PCSK5: variants seen among roughly 807,000 people sequenced by gnomAD.
PCSK5 encodes the protein proprotein convertase subtilisin/kexin type 5.
PCSK5 carries 129 observed loss-of-function variants against 233.2 expected under a neutral mutation model. The observed-to-expected ratio is 0.55, with a 90% CI of 0.48 to 0.64. The LOEUF (loss-of-function observed/expected upper bound fraction) is 0.64. Among genes scored for constraint, PCSK5 ranks in the 30% least tolerant of loss-of-function variants. The pLI, the probability that PCSK5 is intolerant of heterozygous loss-of-function variation, is 0.00. For synonymous variants in PCSK5, 825 were observed against 879.2 expected, an observed-to-expected ratio of 0.94 and a Z score of 1.09; for missense variants, 2,076 against 2,430.1, an observed-to-expected ratio of 0.85 and a Z score of 3.06.
At chr9:76,156,553 T>G (rs566129595) in intron 10 of PCSK5, among the ~76,000 whole-genome samples, 2 of 152,232 alleles carry the variant, frequency 1.3e-5, no homozygotes, top group Non-Finnish European at 2.9e-5. Context: ...TTACTTCTCT[T>G]TAAACCTATT....
At chr9:76,316,561 C>CAA (rs112529561) in intron 30 of PCSK5, among the ~76,000 whole-genome samples, 3 of 138,104 alleles carry the variant, frequency 2.2e-5, no homozygotes, top group Admixed American at 7.4e-5. Context: ...CCCATCTCTA[C>CAA]AAAAAAAAAA....
At chr9:76,021,121 G>A (rs1399798399) in intron 3 of PCSK5, among the ~76,000 whole-genome samples, 1 of 152,086 alleles carries the variant, frequency 6.6e-6, no homozygotes, top group Non-Finnish European at 1.5e-5. Context: ...TACACATAGT[G>A]GAAATAAAGT....
chr9:75,928,722 C>T (rs1362952543), intron 1 of PCSK5, among the ~76,000 whole-genome samples: 1 of 148,128 alleles, frequency 6.8e-6, no homozygotes, highest in African/African-American at 2.5e-5. Context: ...TGTTATCTTG[C>T]AAACAAAATG....
intron 35 of PCSK5, among the ~76,000 whole-genome samples, chr9:76,339,162 T>C (rs1829761324): frequency 6.6e-6 from 1 of 152,030 alleles, no homozygotes. Flanking sequence ...AAAATTCAAA[T>C]TTCTCATTTT....
chr9:76,314,705 C>T (rs1439970662), intron 30 of PCSK5, among the ~76,000 whole-genome samples: 6 of 152,088 alleles, frequency 3.9e-5, no homozygotes, highest in Non-Finnish European at 8.8e-5. Context: ...GGCGCGATCT[C>T]GGCTCACTGC....
At chr9:75,934,095 C>T (rs542947162) in intron 2 of PCSK5, among the ~76,000 whole-genome samples, 5 of 152,280 alleles carry the variant, frequency 3.3e-5, no homozygotes, top group South Asian at 2.1e-4. Flanking sequence ...ATGGCTTATG[C>T]GTGATCCGAC....
In PCSK5 at chr9:76,285,556, G is replaced by C. The variant is rs7045119; in HGVS notation, c.3143-6677G>C. Among the ~76,000 whole-genome samples, 1,514 of 151,994 alleles carry C rather than the reference G, an allele frequency of 1.0e-2. 21 individuals carry two copies. The highest frequency in any genetic ancestry group is 0.033 in the African/African-American group (1,377 of 41,424). The stretch of plus-strand genomic sequence containing the variant: ...GATAGGTTTCAATAGCAAGTGGTAG[G>C]GGGGGAGTCTGGCTTGCATGGGGTA... On this transcript the variant is annotated intron_variant, in intron 24 of 37. Coordinates refer to ENST00000674117, the MANE Select transcript of PCSK5 (RefSeq NM_001372043.1).
At chr9:75,899,902 G>T (rs965250320) in intron 1 of PCSK5, among the ~76,000 whole-genome samples, 1 of 152,190 alleles carries the variant, frequency 6.6e-6, no homozygotes, top group Non-Finnish European at 1.5e-5. Context: ...CCAGAAGAAA[G>T]GGTGCCTCCT....
In PCSK5 at chr9:76,321,537, G is replaced by T. The variant is rs752538514; in HGVS notation, c.4000G>T (p.Val1334Leu). The T allele has an allele frequency of 6.0e-5, 96 of 1,612,176 alleles. No homozygotes were observed. The highest frequency in any genetic ancestry group is 7.7e-5 in the Non-Finnish European group (91 of 1,179,208). Reference protein sequence around the residue: ...CEGGHVLHHGVCQENCPERHV... With the variant: ...CEGGHVLHHGLCQENCPERHV... Reference sequence around the variant, plus strand: ...AGGAGGCCACGTCCTGCACCACGGAGTGTGCCAGGAAAACTGCCCCGAGAG... The same window carrying T: ...AGGAGGCCACGTCCTGCACCACGGATTGTGCCAGGAAAACTGCCCCGAGAG... Residue 1334 changes from valine to leucine, a missense_variant, in exon 31 of 38, where the codon GTG becomes TTG. This residue lies in a region of PCSK5 where 1,510 missense variants were observed against 1,538.1 expected (regional missense o/e 0.98). Transcript: ENST00000674117.
chr9:75,902,214 T>TTAAAAAAAAAAAAAAAAAAA (rs1554703242), intron 1 of PCSK5, among the ~76,000 whole-genome samples: 1 of 53,300 alleles, frequency 1.9e-5, no homozygotes, highest in Non-Finnish European at 3.5e-5. Context: ...AGACACCATC[T>TTAAAAAAAAAAAAAAAAAAA]AAAAAAAAAA....
intron 20 of PCSK5, among the ~76,000 whole-genome samples, chr9:76,204,371 C>T (rs1325882882): frequency 6.6e-6 from 1 of 152,170 alleles, no homozygotes; most frequent in Non-Finnish European, 1.5e-5. Context: ...GATCCATTAA[C>T]ATGTCCTGCG....
chr9:76,221,627 C>A (rs1449288252), intron 20 of PCSK5, among the ~76,000 whole-genome samples: 1 of 152,178 alleles, frequency 6.6e-6, no homozygotes, highest in East Asian at 1.9e-4. Flanking sequence ...GTGCGTCAGC[C>A]AAGACTTCAC....
chr9:76,180,820 T>C (rs1366384251), intron 15 of PCSK5, among the ~76,000 whole-genome samples: 1 of 152,232 alleles, frequency 6.6e-6, no homozygotes, highest in East Asian at 1.9e-4. Context: ...TGCCTGATAT[T>C]TAATTGGTGC....
intron 24 of PCSK5, among the ~76,000 whole-genome samples, chr9:76,278,833 A>G (rs2131383906): frequency 6.6e-6 from 1 of 152,304 alleles, no homozygotes; most frequent in South Asian, 2.1e-4. Context: ...CAAAATTTCA[A>G]TGTCTATTAG....
intron 20 of PCSK5, among the ~76,000 whole-genome samples, chr9:76,223,976 C>T (rs891480928): frequency 6.6e-6 from 1 of 152,186 alleles, no homozygotes; most frequent in Admixed American, 6.5e-5. Flanking sequence ...ACTAATTAAA[C>T]ATCTACGTAA....
intron 37 of PCSK5, among the ~76,000 whole-genome samples, chr9:76,356,259 C>A (rs1281830140): frequency 6.6e-6 from 1 of 152,198 alleles, no homozygotes; most frequent in Non-Finnish European, 1.5e-5. Context: ...TAAGAACTAT[C>A]TCGTCAGCTT....
At chr9:75,919,636 G>A (rs989380966) in intron 1 of PCSK5, among the ~76,000 whole-genome samples, 5 of 152,216 alleles carry the variant, frequency 3.3e-5, no homozygotes, top group African/African-American at 7.2e-5. Flanking sequence ...GATTTGATAG[G>A]TGTTTTTCTG....
At chr9:76,134,039 G>T in intron 9 of PCSK5, 70 bp from the exon 10 acceptor site, 4 of 1,034,020 alleles carry the variant, frequency 3.9e-6, no homozygotes, top group East Asian at 5.0e-5. Flanking sequence ...TTTTTAATTT[G>T]CTTGTGACTC....
chr9:76,133,587 A>ATT (rs1309368210), intron 9 of PCSK5, among the ~76,000 whole-genome samples: 1 of 152,042 alleles, frequency 6.6e-6, no homozygotes, highest in Non-Finnish European at 1.5e-5. Flanking sequence ...AATGCTGAAA[A>ATT]TTGGGATGCT....
Sources: allele counts gnomAD v4.1 joint callset (sites outside exome capture counted in the v4.1 genomes callset), GRCh38; gene constraint gnomAD v4.1.1; regional missense constraint gnomAD v4.1.1; transcripts MANE v1.5; gene names NCBI Gene and HGNC (gene_info 2026-07-23, HGNC 2026-07-21).